The following ASCC3 variants were observed in gnomAD, a reference collection of about 807,000 sequenced individuals.
The protein encoded by ASCC3 is ASC-1 complex subunit P200.
Under a neutral mutation model 256.3 loss-of-function variants are expected in ASCC3, and 158 were observed. The ratio of observed to expected loss-of-function variants is 0.62; its 90% confidence interval spans 0.54 to 0.70. The LOEUF (loss-of-function observed/expected upper bound fraction) is 0.70, where lower values mean the gene tolerates loss of function less well. Ranked by LOEUF, ASCC3 falls within the 30% of genes least tolerant of loss-of-function variation. The pLI, the probability that ASCC3 is intolerant of heterozygous loss-of-function variation, is 0.00. For missense variants in ASCC3, 2,259 were observed against 2,626.0 expected, an observed-to-expected ratio of 0.86 and a Z score of 3.05; for synonymous variants, 948 against 883.4, an observed-to-expected ratio of 1.07 and a Z score of -1.30.
intron 36 of ASCC3, among the ~76,000 whole-genome samples, chr6:100,580,880 A>G (rs190713995): frequency 1.8e-4 from 27 of 151,858 alleles, no homozygotes; most frequent in Admixed American, 7.2e-4. Flanking sequence ...ATGATTTCCA[A>G]TTGCATCCAT....
chr6:100,606,094 C>T (rs1772871775), intron 32 of ASCC3, among the ~76,000 whole-genome samples: 1 of 151,760 alleles, frequency 6.6e-6, no homozygotes, highest in South Asian at 2.1e-4. Context: ...TGATTATTTT[C>T]CCCGTGAATA....
At chr6:100,570,975 A>G (rs1770556617) in intron 36 of ASCC3, among the ~76,000 whole-genome samples, 1 of 152,194 alleles carries the variant, frequency 6.6e-6, no homozygotes, top group Non-Finnish European at 1.5e-5. Context: ...GACTTTCTGC[A>G]GCAGCCAGTT....
intron 36 of ASCC3, among the ~76,000 whole-genome samples, chr6:100,559,379 CA>C (rs1287873240): frequency 2.0e-5 from 3 of 151,982 alleles, no homozygotes; most frequent in Non-Finnish European, 4.4e-5. Flanking sequence ...CAAAACAAAA[CA>C]AAAAACCCAC....
chr6:100,725,722 T>A lies in ASCC3; in HGVS notation c.1738-19A>T. ...CAAGCATCTATAAGAGAAGACACATTTTAAAAGGGGAAAGTTACATAGGTT... is the reference window on the plus strand; with the variant it reads ...CAAGCATCTATAAGAGAAGACACATATTAAAAGGGGAAAGTTACATAGGTT... On this transcript the variant is annotated intron_variant, in intron 10 of 41. Transcript: ENST00000369162. The A allele has an allele frequency of 6.2e-7, 1 of 1,611,692 alleles. No individual in the cohort carries two copies. The highest frequency in any genetic ancestry group is 8.5e-7 in the Non-Finnish European group (1 of 1,178,410).
chr6:100,585,801 C>G (rs1018600481), intron 36 of ASCC3, among the ~76,000 whole-genome samples: 2 of 152,164 alleles, frequency 1.3e-5, no homozygotes, highest in Non-Finnish European at 2.9e-5. Flanking sequence ...TTCTAACAGA[C>G]AGGACCCTCA....
chr6:100,689,966 T>C (rs934554186), intron 13 of ASCC3, among the ~76,000 whole-genome samples: 2 of 152,094 alleles, frequency 1.3e-5, no homozygotes, highest in African/African-American at 2.4e-5. Flanking sequence ...GAAAAAAAGA[T>C]ATAAAAATTC....
chr6:100,721,150 G>A lies in ASCC3; in HGVS notation c.1903-2899C>T, dbSNP rs549157856. 2.0e-5 allele frequency among the ~76,000 whole-genome samples: 3 copies of A among 151,326 alleles called. No homozygotes were observed. The Admixed American group carries it at 2.0e-4, about 10-fold the overall frequency. ...TACAATCTGTTTTCTTTTTCTACTG[G>A]GGATGCTCAGGAAAGAAAGATGTAC... On this transcript the variant is annotated intron_variant, in intron 11 of 41. Coordinates refer to ENST00000369162, the MANE Select transcript of ASCC3 (RefSeq NM_006828.4).
chr6:100,747,258 A>G (rs1780725228), intron 10 of ASCC3, among the ~76,000 whole-genome samples: 1 of 152,146 alleles, frequency 6.6e-6, no homozygotes, highest in African/African-American at 2.4e-5. Context: ...TACTCATACA[A>G]GTTTTGAAGA....
At chr6:100,520,977 T>C (rs1277229594) in intron 37 of ASCC3, among the ~76,000 whole-genome samples, 1 of 152,162 alleles carries the variant, frequency 6.6e-6, no homozygotes. Context: ...TATAGGCTTA[T>C]TGATGGCAAG....
At chr6:100,705,061 T>C (rs967361677) in intron 13 of ASCC3, among the ~76,000 whole-genome samples, 6 of 152,040 alleles carry the variant, frequency 3.9e-5, no homozygotes, top group Non-Finnish European at 7.4e-5. Flanking sequence ...AGCTTACAAA[T>C]GAGACGTCTC....
At position 100,767,127 on chromosome 6, in the gene ASCC3, T is replaced by C. The variant is rs953345929; in HGVS notation, c.1596+18A>G. 2 of 1,607,488 alleles carry C rather than the reference T, an allele frequency of 1.2e-6. No homozygotes were observed. Among genetic ancestry groups the C allele is most frequent in the Non-Finnish European group, 8.5e-7 (1 of 1,174,010 alleles). ...TTCCTTACAATTTAAAAAGCTGTTG[T>C]CTGATTTATTTACTTACCTTAAATT... On this transcript the variant is annotated intron_variant, in intron 9 of 41. Transcript: ENST00000369162.
intron 17 of ASCC3, among the ~76,000 whole-genome samples, chr6:100,654,697 A>G (rs1775830549): frequency 1.3e-5 from 2 of 152,000 alleles, no homozygotes; most frequent in African/African-American, 4.8e-5. Context: ...TGAGACAAAG[A>G]AAGGTAGGTG....
At chr6:100,774,523 G>A (rs1045273580) in intron 8 of ASCC3, among the ~76,000 whole-genome samples, 2 of 151,648 alleles carry the variant, frequency 1.3e-5, no homozygotes, top group Non-Finnish European at 2.9e-5. Context: ...CCATCACCAC[G>A]CCTGGCTAAT....
At chr6:100,523,003 C>G (rs1031396445) in intron 37 of ASCC3, among the ~76,000 whole-genome samples, 4 of 146,500 alleles carry the variant, frequency 2.7e-5, no homozygotes, top group African/African-American at 1.0e-4. Context: ...AATGTGCATA[C>G]TAGATAAACT....
chr6:100,634,864 CAAAAA>C (rs199632200), intron 25 of ASCC3, among the ~76,000 whole-genome samples: 81 of 119,340 alleles, frequency 6.8e-4, no homozygotes, highest in African/African-American at 2.8e-3. Flanking sequence ...CCTCAAAAAA[CAAAAA>C]AAAAAAAAAA....
chr6:100,843,796 C>T (rs74750399), intron 4 of ASCC3, among the ~76,000 whole-genome samples: 1,921 of 151,932 alleles, frequency 0.013, 20 homozygotes, highest in East Asian at 0.045. Flanking sequence ...TAAGACCTCG[C>T]TTTTAAATAT....
At chr6:100,540,793 G>A (rs372885677) in intron 36 of ASCC3, among the ~76,000 whole-genome samples, 1 of 152,140 alleles carries the variant, frequency 6.6e-6, no homozygotes, top group Admixed American at 6.5e-5. Context: ...TTATTTTAGA[G>A]GGTGAGGGAA....
chr6:100,809,939 T>A (rs1770377880), intron 4 of ASCC3, among the ~76,000 whole-genome samples: 1 of 152,150 alleles, frequency 6.6e-6, no homozygotes, highest in South Asian at 2.1e-4. Flanking sequence ...CAACCCATTA[T>A]GTCATATGCC....
chr6:100,637,067 G>A (rs1318843892), intron 25 of ASCC3, among the ~76,000 whole-genome samples: 1 of 152,150 alleles, frequency 6.6e-6, no homozygotes, highest in East Asian at 1.9e-4. Flanking sequence ...GCCTAATATT[G>A]GAGGAGGATG....
Sources: gnomAD v4.1 joint callset for allele counts (sites outside exome capture counted in the v4.1 genomes callset) on GRCh38, gnomAD v4.1.1 for gene constraint, MANE v1.5 for transcripts, NCBI Gene and HGNC (gene_info 2026-07-23, HGNC 2026-07-21) for gene names.